NOTCH1: variants seen among roughly 807,000 people sequenced by gnomAD.
NOTCH1 encodes notch receptor 1.
A neutral mutation model predicts 254.8 loss-of-function variants in NOTCH1; 37 were observed. The observed-to-expected ratio is 0.15, with a 90% CI of 0.11 to 0.19. The LOEUF is 0.19. NOTCH1 is among the 10% of genes least tolerant of loss of function. The pLI is 1.00. For synonymous variants in NOTCH1, 1,731 were observed against 1,618.1 expected (o/e 1.07, Z -1.68); for missense variants, 2,972 against 3,708.6 (o/e 0.80, Z 5.16).
At chr9:136,517,012 G>C (rs1312729927) in intron 9 of NOTCH1, among the ~76,000 whole-genome samples, 3 of 150,680 alleles carry the variant, frequency 2.0e-5, no homozygotes, top group Admixed American at 6.6e-5. Context: ...CCCAGGGGCA[G>C]GGGACACAAT....
rs1002136018 is a variant in NOTCH1 at position 136,515,667 on chromosome 9, G to T, written c.1719C>A (p.Asp573Glu). 2 of 1,572,250 alleles carry T rather than the reference G, an allele frequency of 1.3e-6. No individual in the cohort carries two copies. The highest frequency in any genetic ancestry group is 3.7e-5 in the Admixed American group (2 of 54,568). ...CCTTGCAGGAGCCGTAGTGGCAGGG[G>T]TCGGGGTCGCACTCATCGATGTCCA... ...CEVDIDECDP[D>E]PCHYGSCKDG... Residue 573 changes from aspartate (D) to glutamate (E), a missense_variant, in exon 11 of 34, where the codon GAC (aspartate) becomes GAA (glutamate). This residue lies in a region of NOTCH1 where 128 missense variants were observed against 193.8 expected (regional missense o/e 0.66). Transcript: ENST00000651671.
At chr9:136,512,837 G>A (rs1006885863) in intron 15 of NOTCH1, among the ~76,000 whole-genome samples, 184 bp downstream of exon 15, 5 of 152,196 alleles carry the variant, frequency 3.3e-5, no homozygotes, top group Admixed American at 1.3e-4. Context: ...TCAGTGAGGC[G>A]CAGAACCTTC....
At chr9:136,516,433 C>T (rs982462628) in intron 9 of NOTCH1, among the ~76,000 whole-genome samples, 3 of 152,206 alleles carry the variant, frequency 2.0e-5, no homozygotes, top group African/African-American at 7.2e-5. Context: ...CTTGGGCTGG[C>T]AACGCCTCCC....
intron 2 of NOTCH1, 88 bp downstream of exon 2, chr9:136,543,936 T>C (rs1362603203): frequency 5.6e-6 from 7 of 1,247,222 alleles, no homozygotes; most frequent in African/African-American, 4.5e-5. Context: ...CAGAAGACAA[T>C]GGCCTAGTGT....
At position 136,519,375 on chromosome 9, in the gene NOTCH1, G is replaced by C. The variant is rs543996073; in HGVS notation, c.865+68C>G. 12 of 1,597,784 alleles carry C rather than the reference G, an allele frequency of 7.5e-6. No individual in the cohort carries two copies. The Middle Eastern group carries it at 8.4e-4, about 112-fold the overall frequency. ...CGGCTGCTCCCCGCTATGCCTGTGA[G>C]TGCAGTTTAGTAAGTGGGTAGCAGC... On this transcript the variant is annotated intron_variant, in intron 5 of 33. Transcript: ENST00000651671.
rs777559313 is a variant in NOTCH1 at position 136,506,695 on chromosome 9, C to G, written c.3901+21G>C. 6 of 1,596,460 alleles carry G rather than the reference C, an allele frequency of 3.8e-6. No individual in the cohort carries two copies. In the Admixed American group the frequency reaches 1.1e-4, roughly 28 times the overall value. On this transcript the variant is annotated intron_variant, in intron 23 of 33. Transcript: ENST00000651671. The surrounding 1 kb of genome is among the most constrained non-coding windows in gnomAD (Gnocchi z 4.5). ...CACCCTGCTGCCCCACACGCCCCAC[C>G]CGCCTGGGCGCGGCACCCACCGGTG...
rs377165086 is a variant in NOTCH1 at position 136,497,000 on chromosome 9, G to A, written c.6739C>T (p.Leu2247=). The A allele has an allele frequency of 2.0e-5, 33 of 1,610,112 alleles. No individual in the cohort carries two copies. Among genetic ancestry groups the A allele is most frequent in the Non-Finnish European group, 2.8e-5 (33 of 1,178,912 alleles). ...ATCTCGGGCTTGGCCGCCACGTTCA[G>A]GTGCCCGATGCCCAGGTGGGTGTCG... is the stretch of plus-strand genomic sequence containing the variant. ...MPDTHLGIGH[L]NVAAKPEMAA... is the part of the protein sequence containing the mutation. The change falls in exon 34 of 34, where the codon CTG becomes TTG. Residue 2247 remains leucine, a synonymous_variant. Transcript: ENST00000651671.
chr9:136,498,259 C>T lies in NOTCH1; in HGVS notation c.6180+640G>A, dbSNP rs371447833. ...TTGGGGGCGGGGGTGGGGGTTCTGG[C>T]GGCAGGGAGGTGGGGGTGTCTGCAC... On this transcript the variant is annotated intron_variant, in intron 33 of 33. Transcript: ENST00000651671. Among the ~76,000 whole-genome samples the T allele has an allele frequency of 3.1e-4, 23 of 74,384 alleles. 1 individual carries two copies. The East Asian group carries it at 6.3e-3, about 20-fold the overall frequency. 48.8% of individuals were successfully genotyped at this position (74,384 alleles called of 152,430 possible). A position where few individuals can be genotyped will look rare whatever the true frequency, so the allele number is the denominator to read the frequency against.
In NOTCH1 at chr9:136,539,369, C is replaced by G. The variant is rs117918390; in HGVS notation, c.140+4655G>C. ...TGAGTAGGTGAGACTTTCTATTTGA[C>G]ACTGTGTGGGGTTTTTTTTGTTGTT... On this transcript the variant is annotated intron_variant, in intron 2 of 33. Transcript: ENST00000651671. Among the ~76,000 whole-genome samples the G allele has an allele frequency of 4.7e-3, 723 of 152,234 alleles. 3 individuals are homozygous for G. The highest frequency in any genetic ancestry group is 0.017 in the Middle Eastern group (5 of 294).
At chr9:136,516,394 A>G (rs935779547) in intron 9 of NOTCH1, among the ~76,000 whole-genome samples, 6 of 152,172 alleles carry the variant, frequency 3.9e-5, no homozygotes, top group Non-Finnish European at 8.8e-5. Context: ...AGTGTCTGGG[A>G]CGGGTAATCT....
chr9:136,529,531 G>A (rs1843525745), intron 2 of NOTCH1, among the ~76,000 whole-genome samples: 2 of 152,210 alleles, frequency 1.3e-5, no homozygotes, highest in South Asian at 2.1e-4. Flanking sequence ...CAGCCCTGGG[G>A]GATGGAGGAG....
At chr9:136,502,629 G>A (rs1843016972) in intron 27 of NOTCH1, 141 bp from the exon 28 acceptor site, 1 of 580,502 alleles carries the variant, frequency 1.7e-6, no homozygotes, top group African/African-American at 1.9e-5. Context: ...TCCAAAATAA[G>A]GTCATTTTCT....
At chr9:136,541,389 C>G (rs1444562750) in intron 2 of NOTCH1, among the ~76,000 whole-genome samples, 1 of 152,218 alleles carries the variant, frequency 6.6e-6, no homozygotes, top group East Asian at 1.9e-4. Context: ...TGACGCCCAT[C>G]ATGACCATGC....
In NOTCH1 at chr9:136,545,726, C is replaced by T; in HGVS notation, c.61G>A (p.Gly21Ser). Residue 21 changes from glycine (G) to serine (S), a missense_variant and splice_region_variant, in exon 1 of 34, where the codon GGC becomes AGC. By Grantham distance (56) the Gly-to-Ser change is moderately conservative (BLOSUM62 0). Around this residue, in one of 8 missense-constraint regions of NOTCH1, gnomAD observed 374 missense variants for 496.3 expected, o/e 0.75. Coordinates refer to ENST00000651671, the MANE Select transcript of NOTCH1 (RefSeq NM_017617.5). The surrounding 1 kb of genome is among the most constrained non-coding windows in gnomAD (Gnocchi z 6.8). ...GGCTCGCGGGTGGGTGGGCGCCTAC[C>T]TCGTGCGGCGAGCGCGGGCAGCAGC... ...LALLPALAARGPRCSQPGETC... is the reference protein window; with the variant it reads ...LALLPALAARSPRCSQPGETC... The T allele has an allele frequency of 7.0e-7, 1 of 1,429,242 alleles. No homozygotes were observed. The highest frequency in any genetic ancestry group is 9.1e-7 in the Non-Finnish European group (1 of 1,096,126). 88.5% of individuals were successfully genotyped at this position (1,429,242 alleles called of 1,614,324 possible).
chr9:136,502,105 C>T lies in NOTCH1; in HGVS notation c.5385-17G>A, dbSNP rs746960421. On this transcript the variant is annotated splice_polypyrimidine_tract_variant and intron_variant, in intron 28 of 33. Coordinates refer to ENST00000651671, the MANE Select transcript of NOTCH1 (RefSeq NM_017617.5). ...TTCAGGGGCCTGGGGGGTGAGGGGT[C>T]GAGAAGTGAGGCTGAGCGAGCTCCC... 8 of 1,612,484 alleles carry T rather than the reference C, an allele frequency of 5.0e-6. No homozygotes were observed. Among genetic ancestry groups the T allele is most frequent in the African/African-American group, 1.3e-5 (1 of 75,000 alleles).
chr9:136,507,027 G>C (rs919757551), intron 22 of NOTCH1, 54 bp from the exon 23 acceptor site: 1 of 1,579,170 alleles, frequency 6.3e-7, no homozygotes, highest in Non-Finnish European at 8.6e-7. Flanking sequence ...CGGCCCTGCC[G>C]TGCCGCGTGT....
At chr9:136,516,689 G>C (rs1843278236) in intron 9 of NOTCH1, among the ~76,000 whole-genome samples, 1 of 152,118 alleles carries the variant, frequency 6.6e-6, no homozygotes, top group African/African-American at 2.4e-5. Context: ...CCTCCTCCCT[G>C]TCTGGGCACT....
intron 32 of NOTCH1, 49 bp downstream of exon 32, chr9:136,499,063 T>C (rs369637898): frequency 6.2e-7 from 1 of 1,612,526 alleles, no homozygotes; most frequent in African/African-American, 1.3e-5. Context: ...CACCCGTCCC[T>C]GTGGCGGTCC....
At chr9:136,526,596 A>G (rs1487877280) in intron 2 of NOTCH1, among the ~76,000 whole-genome samples, 1 of 152,190 alleles carries the variant, frequency 6.6e-6, no homozygotes, top group Non-Finnish European at 1.5e-5. Context: ...CCCCTAGAGC[A>G]GTCTCCCACC....
Sources: allele counts gnomAD v4.1 joint callset (sites outside exome capture counted in the v4.1 genomes callset), GRCh38; gene constraint gnomAD v4.1.1; regional missense constraint gnomAD v4.1.1; non-coding constraint Gnocchi (gnomAD v3.1); transcripts MANE v1.5; gene names NCBI Gene and HGNC (gene_info 2026-07-23, HGNC 2026-07-21).